The following NCALD variants were observed in gnomAD, a reference collection of about 807,000 sequenced individuals.
NCALD encodes the protein neurocalcin-delta.
A neutral mutation model predicts 18.6 loss-of-function variants in NCALD; 10 were observed. The observed-to-expected ratio is 0.54, with a 90% CI of 0.33 to 0.91. The LOEUF is 0.91. Among genes scored for constraint, NCALD ranks in the 40% least tolerant of loss-of-function variants. The pLI is 0.03. For missense variants in NCALD, 184 were observed against 247.6 expected (o/e 0.74, Z 1.72); for synonymous variants, 88 against 87.4 (o/e 1.01, Z -0.04).
chr8:102,079,364 C>T (rs926699614), intron 1 of NCALD, among the ~76,000 whole-genome samples: 1 of 152,196 alleles, frequency 6.6e-6, no homozygotes. Context: ...GCACAACCAC[C>T]GTATTTTCCC....
At chr8:101,812,369 T>C (rs965799591) in intron 4 of NCALD, among the ~76,000 whole-genome samples, 2 of 152,148 alleles carry the variant, frequency 1.3e-5, no homozygotes, top group Non-Finnish European at 2.9e-5. Context: ...TATTGAGTTT[T>C]CCATAATGTA....
chr8:102,101,871 T>A (rs1825294899), intron 1 of NCALD, among the ~76,000 whole-genome samples: 1 of 152,180 alleles, frequency 6.6e-6, no homozygotes, highest in Non-Finnish European at 1.5e-5. Context: ...AGCCTGAATT[T>A]TAAAACAAAA....
intron 2 of NCALD, among the ~76,000 whole-genome samples, chr8:101,941,523 ACATT>A (rs1208095720): frequency 6.6e-6 from 1 of 152,228 alleles, no homozygotes; most frequent in Non-Finnish European, 1.5e-5. Flanking sequence ...ATCTAATATA[ACATT>A]CATTCATTCA....
At chr8:102,043,766 G>C (rs545143653) in intron 1 of NCALD, among the ~76,000 whole-genome samples, 1 of 150,516 alleles carries the variant, frequency 6.6e-6, no homozygotes, top group East Asian at 2.0e-4. Flanking sequence ...AGGGGAAGGG[G>C]AAGCAGCAGC....
At chr8:102,012,408 C>T (rs1321293364) in intron 2 of NCALD, among the ~76,000 whole-genome samples, 1 of 152,240 alleles carries the variant, frequency 6.6e-6, no homozygotes, top group East Asian at 1.9e-4. Context: ...CTCCAACTCC[C>T]GGGCTGAGCC....
chr8:101,764,123 G>A (rs902488809), intron 1 of NCALD, among the ~76,000 whole-genome samples: 1 of 152,016 alleles, frequency 6.6e-6, no homozygotes, highest in African/African-American at 2.4e-5. Context: ...GTCTGGAATT[G>A]GGACTGAGTT....
At chr8:101,944,018 T>C (rs1346662401) in intron 2 of NCALD, among the ~76,000 whole-genome samples, 1 of 152,190 alleles carries the variant, frequency 6.6e-6, no homozygotes, top group Non-Finnish European at 1.5e-5. Context: ...CTTGTCCTGC[T>C]TACTCTAATA....
chr8:101,986,137 T>A (rs1267253999), intron 2 of NCALD, among the ~76,000 whole-genome samples: 1 of 152,138 alleles, frequency 6.6e-6, no homozygotes, highest in African/African-American at 2.4e-5. Context: ...TTCAAGCGAT[T>A]CTCCTGCCTC....
intron 2 of NCALD, among the ~76,000 whole-genome samples, chr8:101,702,410 TG>T (rs1050644000): frequency 2.6e-5 from 4 of 151,992 alleles, no homozygotes; most frequent in Admixed American, 2.6e-4. Context: ...AATTTTTTTT[TG>T]TAGAGACAGA....
rs58447809 is a variant in NCALD at position 101,905,276 on chromosome 8, CCTCT to C, written c.-107+10529_-107+10532del. Among the ~76,000 whole-genome samples the C allele has an allele frequency of 8.7e-3, 1,264 of 145,346 alleles. 16 individuals carry two copies. The highest frequency in any genetic ancestry group is 0.023 in the African/African-American group (915 of 39,628). The stretch of plus-strand genomic sequence containing the variant: ...TTTCTAGCACCAATCTCTCTCCTCT[CCTCT>C]CTCTCTCTCTCTCTCTCTCTCTGGT... On this transcript the variant is annotated intron_variant, in intron 3 of 6. Coordinates refer to the NCALD transcript ENST00000311028.
intron 2 of NCALD, among the ~76,000 whole-genome samples, chr8:101,710,289 G>A (rs1815724269): frequency 6.6e-6 from 1 of 152,196 alleles, no homozygotes; most frequent in South Asian, 2.1e-4. Context: ...GATTCCTTCA[G>A]GTGCCTATGC....
chr8:102,097,687 G>C (rs1482832216), intron 1 of NCALD, among the ~76,000 whole-genome samples: 2 of 152,112 alleles, frequency 1.3e-5, no homozygotes, highest in Non-Finnish European at 2.9e-5. Context: ...CCTTATACAA[G>C]ACTCTTATCA....
At position 101,969,923 on chromosome 8, in the gene NCALD, G is replaced by A. The variant is rs533011650; in HGVS notation, c.-157+50314C>T. 2.1e-5 allele frequency among the ~76,000 whole-genome samples: 3 copies of A among 140,540 alleles called. No homozygotes were observed. The South Asian group carries it at 6.3e-4, about 29-fold the overall frequency. 92.2% of individuals were successfully genotyped at this position (140,540 alleles called of 152,430 possible). On this transcript the variant is annotated intron_variant, in intron 2 of 6. Transcript: ENST00000311028. ...ATGTAGAAAGTAGAAATAAATCTAA[G>A]TGTGTGTGTGTGTGCACACACATGT...
At chr8:101,716,319 G>T (rs1277907912) in intron 2 of NCALD, among the ~76,000 whole-genome samples, 1 of 152,138 alleles carries the variant, frequency 6.6e-6, no homozygotes, top group Non-Finnish European at 1.5e-5. Context: ...GGGCCTGTTG[G>T]GGGGTGGTGG....
intron 1 of NCALD, among the ~76,000 whole-genome samples, chr8:101,723,298 G>A (rs772593582): frequency 2.6e-5 from 4 of 151,712 alleles, no homozygotes; most frequent in Non-Finnish European, 4.4e-5. Flanking sequence ...TTTCACCGTC[G>A]CCATTTACAT....
intron 1 of NCALD, among the ~76,000 whole-genome samples, chr8:101,784,792 C>A (rs1812156449): frequency 6.6e-6 from 1 of 151,996 alleles, no homozygotes; most frequent in African/African-American, 2.4e-5. Flanking sequence ...GAGTGAGAAC[C>A]CATCTCTAAA....
chr8:101,819,752 T>C (rs1412805307), intron 4 of NCALD, among the ~76,000 whole-genome samples: 1 of 152,166 alleles, frequency 6.6e-6, no homozygotes, highest in Admixed American at 6.5e-5. Flanking sequence ...TAATTCTTCA[T>C]ATGAATAACA....
chr8:102,086,322 G>A (rs1009376356), intron 1 of NCALD, among the ~76,000 whole-genome samples: 4 of 152,184 alleles, frequency 2.6e-5, no homozygotes, highest in Non-Finnish European at 5.9e-5. Flanking sequence ...TCCAGGTCTG[G>A]TGATGTTGGG....
chr8:102,102,638 C>A (rs1825323715), intron 1 of NCALD, among the ~76,000 whole-genome samples: 1 of 152,224 alleles, frequency 6.6e-6, no homozygotes, highest in Non-Finnish European at 1.5e-5. Flanking sequence ...CGCTCCACTG[C>A]CCATTGCCTC....
Sources: allele counts gnomAD v4.1 joint callset (sites outside exome capture counted in the v4.1 genomes callset), GRCh38; gene constraint gnomAD v4.1.1; transcripts MANE v1.5; gene names NCBI Gene and HGNC (gene_info 2026-07-23, HGNC 2026-07-21).